Variants in EPB41 observed in about 807,000 individuals in gnomAD.
EPB41 encodes the protein protein 4.1.
In EPB41, 65 loss-of-function variants were observed where a neutral mutation model predicts 108.0. The observed-to-expected ratio is 0.60, with a 90% CI of 0.49 to 0.74. The LOEUF (loss-of-function observed/expected upper bound fraction) is 0.74. Ranked by LOEUF, EPB41 falls within the 30% of genes least tolerant of loss-of-function variation. The pLI, the probability that EPB41 is intolerant of heterozygous loss-of-function variation, is 0.00. For missense variants in EPB41, 875 were observed against 1,037.0 expected (o/e 0.84, Z 2.15); for synonymous variants, 336 against 358.9 (o/e 0.94, Z 0.72).
chr1:28,928,600 C>A (rs1319599743), intron 1 of EPB41, among the ~76,000 whole-genome samples: 1 of 152,210 alleles, frequency 6.6e-6, no homozygotes, highest in Non-Finnish European at 1.5e-5. Flanking sequence ...CCTTCCGGTT[C>A]TTTTAAGCTT....
chr1:29,014,469 G>T (rs1205087764), intron 5 of EPB41, among the ~76,000 whole-genome samples: 1 of 151,882 alleles, frequency 6.6e-6, no homozygotes, highest in African/African-American at 2.4e-5. Context: ...TTCTCTCCTT[G>T]TCCTAGTCAT....
Position 29,034,214 on chromosome 1 carries a change from T to G in EPB41, c.1365+969T>G, listed in dbSNP as rs1572808357. Among the ~76,000 whole-genome samples the G allele has an allele frequency of 2.6e-5, 4 of 152,328 alleles. No homozygotes were observed. In the South Asian group the frequency reaches 8.3e-4, roughly 32 times the overall value. On this transcript the variant is annotated intron_variant, in intron 9 of 20. Transcript: ENST00000343067. ...TTAAAATTTCAAATTCAAGAGTTAT[T>G]CAATCAACAAATATTTATTGAGAGC... is the stretch of plus-strand genomic sequence containing the variant.
intron 7 of EPB41, among the ~76,000 whole-genome samples, chr1:29,019,920 A>G (rs1012044094): frequency 2.0e-5 from 3 of 152,150 alleles, no homozygotes; most frequent in African/African-American, 7.2e-5. Flanking sequence ...GGGTCACACT[A>G]TTTCCAAAGA....
intron 11 of EPB41, among the ~76,000 whole-genome samples, chr1:29,049,513 C>T (rs1405039099): frequency 6.6e-6 from 1 of 152,142 alleles, no homozygotes; most frequent in East Asian, 1.9e-4. Context: ...TGGGCCTGAG[C>T]ATCATCTGAT....
At chr1:28,917,864 G>C (rs886165338) in intron 1 of EPB41, among the ~76,000 whole-genome samples, 1 of 151,656 alleles carries the variant, frequency 6.6e-6, no homozygotes, top group African/African-American at 2.4e-5. Context: ...AAAAGTGCTG[G>C]GATTACAGAC....
At chr1:28,955,782 T>C (rs1429383092) in intron 1 of EPB41, among the ~76,000 whole-genome samples, 1 of 152,134 alleles carries the variant, frequency 6.6e-6, no homozygotes, top group African/African-American at 2.4e-5. Flanking sequence ...GACTGGACAG[T>C]GAAGGGAATG....
At chr1:29,003,617 A>C (rs958843594) in intron 4 of EPB41, among the ~76,000 whole-genome samples, 1 of 152,114 alleles carries the variant, frequency 6.6e-6, no homozygotes, top group Non-Finnish European at 1.5e-5. Context: ...TGTATATGTA[A>C]CTTCTGTCAT....
intron 16 of EPB41, among the ~76,000 whole-genome samples, chr1:29,077,212 T>A (rs1654444861): frequency 6.6e-6 from 1 of 152,132 alleles, no homozygotes; most frequent in Admixed American, 6.5e-5. Context: ...ATTCAAGGAA[T>A]CTAGTATACC....
At chr1:28,889,177 G>A (rs1417062230) in intron 1 of EPB41, among the ~76,000 whole-genome samples, 3 of 152,198 alleles carry the variant, frequency 2.0e-5, no homozygotes, top group Non-Finnish European at 2.9e-5. Flanking sequence ...GACCTTGCAG[G>A]CATAAGCAGC....
At chr1:29,009,403 G>A (rs776608176) in intron 4 of EPB41, among the ~76,000 whole-genome samples, 6 of 152,116 alleles carry the variant, frequency 3.9e-5, no homozygotes, top group Admixed American at 6.5e-5. Flanking sequence ...ACAAAAGTGG[G>A]TTTGCCTTCC....
intron 1 of EPB41, among the ~76,000 whole-genome samples, chr1:28,889,381 T>C (rs1434289014): frequency 1.3e-5 from 2 of 152,178 alleles, no homozygotes; most frequent in African/African-American, 2.4e-5. Flanking sequence ...GTGATACTCA[T>C]TGAGGCCACA....
intron 11 of EPB41, among the ~76,000 whole-genome samples, chr1:29,047,483 G>A (rs1217418323): frequency 6.6e-6 from 1 of 150,830 alleles, no homozygotes; most frequent in Non-Finnish European, 1.5e-5. Flanking sequence ...TGAACACCTG[G>A]GCTCAAGCAG....
At chr1:28,947,794 GC>G (rs562159869) in intron 1 of EPB41, among the ~76,000 whole-genome samples, 40 of 152,124 alleles carry the variant, frequency 2.6e-4, no homozygotes, top group Non-Finnish European at 5.9e-4. Context: ...TCCAGTCTGG[GC>G]AACAGAGTGA....
At chr1:28,950,702 C>G (rs2094683683) in intron 1 of EPB41, among the ~76,000 whole-genome samples, 1 of 152,184 alleles carries the variant, frequency 6.6e-6, no homozygotes, top group Non-Finnish European at 1.5e-5. Context: ...GTAGCTTGTT[C>G]TTATTAACAA....
At chr1:29,063,623 A>G (rs1646893195) in intron 15 of EPB41, among the ~76,000 whole-genome samples, 1 of 152,220 alleles carries the variant, frequency 6.6e-6, no homozygotes, top group Non-Finnish European at 1.5e-5. Flanking sequence ...TTTTTACCCC[A>G]ATACAGCTGT....
chr1:28,900,361 T>C lies in EPB41; in HGVS notation c.-8+13151T>C, dbSNP rs2091153786. ...GGAGTGCAGTGGCATGACCTCGGGT[T>C]ACTGCAACCTCTGCCTCCCAGGTTC... On this transcript the variant is annotated intron_variant, in intron 1 of 16. Transcript: ENST00000347529. Among the ~76,000 whole-genome samples the C allele has an allele frequency of 4.0e-5, 6 of 151,398 alleles. No individual in the cohort carries two copies. The South Asian group carries it at 6.3e-4, about 16-fold the overall frequency.
At chr1:28,887,123 C>T (rs866395751), upstream of EPB41, 3 of 819,092 alleles carry the variant, frequency 3.7e-6, no homozygotes, top group Admixed American at 2.3e-5. This position sits in a 1 kb window ranked among gnomAD's most constrained non-coding sequence, Gnocchi z 4.9. Context: ...GAGGCCCCGG[C>T]GGGGCAAAGT....
Position 28,993,561 on chromosome 1 carries a change from C to A in EPB41, c.681+19C>A. The A allele has an allele frequency of 6.2e-7, 1 of 1,611,144 alleles. No individual in the cohort carries two copies. Among genetic ancestry groups the A allele is most frequent in the South Asian group, 1.1e-5 (1 of 90,882 alleles). On this transcript the variant is annotated intron_variant, in intron 3 of 20. Transcript: ENST00000343067. The stretch of plus-strand genomic sequence containing the variant: ...TGTGGAGGTGAGTATGTTTTCATTT[C>A]CAACAATCAGAACTCTTACAGGTGG...
chr1:28,931,829 C>G (rs902713930), intron 1 of EPB41, among the ~76,000 whole-genome samples: 2 of 152,030 alleles, frequency 1.3e-5, no homozygotes, highest in African/African-American at 4.8e-5. Context: ...CCACCGCGCC[C>G]GACCAATGAC....
Sources: gnomAD v4.1 joint callset for allele counts (sites outside exome capture counted in the v4.1 genomes callset) on GRCh38, gnomAD v4.1.1 for gene constraint, Gnocchi (gnomAD v3.1) non-coding constraint, MANE v1.5 for transcripts, NCBI Gene and HGNC (gene_info 2026-07-23, HGNC 2026-07-21) for gene names.